OSBPL5: variants seen among roughly 807,000 people sequenced by gnomAD.
OSBPL5 encodes oxysterol binding protein like 5.
Under a neutral mutation model 111.2 loss-of-function variants are expected in OSBPL5, and 71 were observed. That is an observed-to-expected ratio of 0.64 (90% CI 0.53 to 0.78). OSBPL5 has a LOEUF of 0.78. Ranked by LOEUF, OSBPL5 falls within the 30% of genes least tolerant of loss-of-function variation. OSBPL5 has a pLI of 0.00. For synonymous variants in OSBPL5, 549 were observed against 513.9 expected (o/e 1.07, Z -0.93); for missense variants, 1,210 against 1,189.3 (o/e 1.02, Z -0.26).
In OSBPL5 at chr11:3,146,778, C is replaced by A. The variant is rs1047320827; in HGVS notation, c.-21-17609G>T. 3 of 152,190 alleles carry A rather than the reference C, an allele frequency of 2.0e-5. No individual in the cohort carries two copies. Among genetic ancestry groups the A allele is most frequent in the African/African-American group, 7.2e-5 (3 of 41,408 alleles). The allele number at this position is 152,190 out of a possible 1,614,324, so 9.4% of individuals were successfully genotyped here. ...CTGAGTTGGCCTTTGTACAGCCTGT[C>A]CCGAAGCGGCCTGGCACAGGGCAGC... is the stretch of plus-strand genomic sequence containing the variant. On this transcript the variant is annotated intron_variant, in intron 1 of 21. Coordinates refer to ENST00000263650, the MANE Select transcript of OSBPL5 (RefSeq NM_020896.4). This position sits in a 1 kb window ranked among gnomAD's most constrained non-coding sequence, Gnocchi z 7.8.
intron 14 of OSBPL5, among the ~76,000 whole-genome samples, chr11:3,096,941 A>AAG (rs1857274869): frequency 8.3e-6 from 1 of 120,448 alleles, no homozygotes. Flanking sequence ...GAGAGGAAAG[A>AAG]GGGAGGAGAT....
chr11:3,120,666 C>T (rs558035604), intron 5 of OSBPL5, 42 bp from the exon 6 acceptor site: 78 of 1,598,536 alleles, frequency 4.9e-5, no homozygotes, highest in Middle Eastern at 4.3e-4. Flanking sequence ...CCTCTGGGGC[C>T]GCCATCCCTG....
In OSBPL5 at chr11:3,163,181, C is replaced by T. The variant is rs1022104521; in HGVS notation, c.-22+2035G>A. ...CTGGGTCCACAACATTTCTCAGCTG[C>T]GGTCACAGGCTCAGATTCACCTGTC... On this transcript the variant is annotated intron_variant, in intron 1 of 21. Coordinates refer to ENST00000263650, the MANE Select transcript of OSBPL5 (RefSeq NM_020896.4). Among the ~76,000 whole-genome samples the T allele has an allele frequency of 3.3e-5, 5 of 152,318 alleles. No homozygotes were observed. In the East Asian group the frequency reaches 5.8e-4, roughly 18 times the overall value.
In OSBPL5 at chr11:3,126,824, G is replaced by A. The variant is rs1490316764; in HGVS notation, c.137-269C>T. Among the ~76,000 whole-genome samples, 2 of 152,216 alleles carry A rather than the reference G, an allele frequency of 1.3e-5. No homozygotes were observed. The highest frequency in any genetic ancestry group is 3.9e-4 in the East Asian group (2 of 5,192). ...CTGGGACAGGAGCTGGTAGGAACCG[G>A]CATCCTGGGCCTGCTGTAGTGTGCA... is the stretch of plus-strand genomic sequence containing the variant. On this transcript the variant is annotated intron_variant, in intron 2 of 21. Coordinates refer to ENST00000263650, the MANE Select transcript of OSBPL5 (RefSeq NM_020896.4). The surrounding 1 kb of genome is among the most constrained non-coding windows in gnomAD (Gnocchi z 6.5).
intron 14 of OSBPL5, among the ~76,000 whole-genome samples, chr11:3,097,516 C>A (rs1346389233): frequency 6.6e-6 from 1 of 152,110 alleles, no homozygotes; most frequent in Non-Finnish European, 1.5e-5. Flanking sequence ...AAAACAATTT[C>A]AGCCAACAAA....
In OSBPL5 at chr11:3,141,061, G is replaced by A. The variant is rs144510312; in HGVS notation, c.-21-11892C>T. 3.3e-4 allele frequency among the ~76,000 whole-genome samples: 50 copies of A among 152,206 alleles called. No individual in the cohort carries two copies. In the East Asian group the frequency reaches 9.1e-3, roughly 28 times the overall value. On this transcript the variant is annotated intron_variant, in intron 1 of 21. Transcript: ENST00000263650. This position sits in a 1 kb window ranked among gnomAD's most constrained non-coding sequence, Gnocchi z 6.5. ...TGGGTGGGGGTCAGCCCAATGCCTTGTACGAAGAGGCCCCCAAAACAGGAA... is the reference window on the plus strand; with the variant it reads ...TGGGTGGGGGTCAGCCCAATGCCTTATACGAAGAGGCCCCCAAAACAGGAA...
intron 1 of OSBPL5, among the ~76,000 whole-genome samples, chr11:3,144,568 T>A (rs1846271537): frequency 6.6e-6 from 1 of 152,168 alleles, no homozygotes; most frequent in Non-Finnish European, 1.5e-5. Flanking sequence ...CCACCGACAC[T>A]GAGACAGCAG....
At chr11:3,129,284 A>T (rs1183068516) in intron 1 of OSBPL5, 115 bp from the exon 2 acceptor site, 22 of 1,008,460 alleles carry the variant, frequency 2.2e-5, no homozygotes, top group Non-Finnish European at 2.8e-5. Flanking sequence ...CTTCTGAGGC[A>T]GGGTGAGGAG....
At chr11:3,137,237 G>A (rs1305218197) in intron 1 of OSBPL5, among the ~76,000 whole-genome samples, 1 of 152,238 alleles carries the variant, frequency 6.6e-6, no homozygotes, top group Non-Finnish European at 1.5e-5. Flanking sequence ...AGACCAGGCT[G>A]CTGTGTCTGG....
rs2134452887 is a variant in OSBPL5 at position 3,119,647 on chromosome 11, T to C, written c.607-16A>G. On this transcript the variant is annotated splice_polypyrimidine_tract_variant and intron_variant, in intron 6 of 21. Coordinates refer to ENST00000263650, the MANE Select transcript of OSBPL5 (RefSeq NM_020896.4). Reference sequence around the variant, plus strand: ...CTTTGGGGCCCTGGAGAGAGAGAGATCTGGGTGTCACCCGAGGCAACACCC... The same window carrying C: ...CTTTGGGGCCCTGGAGAGAGAGAGACCTGGGTGTCACCCGAGGCAACACCC... 1 of 1,577,044 alleles carries C rather than the reference T, an allele frequency of 6.3e-7. No individual in the cohort carries two copies. Among genetic ancestry groups the C allele is most frequent in the East Asian group, 2.4e-5 (1 of 40,866 alleles).
intron 20 of OSBPL5, among the ~76,000 whole-genome samples, chr11:3,090,154 C>A (rs1042424928): frequency 6.6e-6 from 1 of 152,168 alleles, no homozygotes; most frequent in Non-Finnish European, 1.5e-5. Flanking sequence ...CCAGGCTGGA[C>A]CAGCCACTAA....
rs761466785 is a variant in OSBPL5, at chr11:3,110,407, G to A, written c.692-2462C>T. 3.3e-5 allele frequency among the ~76,000 whole-genome samples: 5 copies of A among 152,328 alleles called. No homozygotes were observed. The highest frequency in any genetic ancestry group is 2.1e-4 in the South Asian group (1 of 4,832). On this transcript the variant is annotated intron_variant, in intron 7 of 21. Transcript: ENST00000263650. The surrounding 1 kb of genome is among the most constrained non-coding windows in gnomAD (Gnocchi z 5.3). ...TCATCGCAGTCACAGCTGCCTGAGCGGCCACTCAGGGAACAGCAACAGCGT... is the reference window on the plus strand; with the variant it reads ...TCATCGCAGTCACAGCTGCCTGAGCAGCCACTCAGGGAACAGCAACAGCGT...
chr11:3,159,860 C>G (rs1369405490), intron 1 of OSBPL5, among the ~76,000 whole-genome samples: 1 of 152,172 alleles, frequency 6.6e-6, no homozygotes, highest in Non-Finnish European at 1.5e-5. Context: ...CATCTAGGGC[C>G]AGCCATGAGC....
chr11:3,139,833 C>T lies in OSBPL5; in HGVS notation c.-21-10664G>A, dbSNP rs570893817. Among the ~76,000 whole-genome samples, 13 of 152,342 alleles carry T rather than the reference C, an allele frequency of 8.5e-5. No individual in the cohort carries two copies. The South Asian group carries it at 1.0e-3, about 12-fold the overall frequency. On this transcript the variant is annotated intron_variant, in intron 1 of 21. Coordinates refer to ENST00000263650, the MANE Select transcript of OSBPL5 (RefSeq NM_020896.4). ...CTGGAGTCCCCGAGGCCCAGCCACGCGCCCTGAAGGAGCACAAGCTCCTAG... is the reference window on the plus strand; with the variant it reads ...CTGGAGTCCCCGAGGCCCAGCCACGTGCCCTGAAGGAGCACAAGCTCCTAG...
rs1219132885 is a variant in OSBPL5 at position 3,113,526 on chromosome 11, G to C, written c.692-5581C>G. Among the ~76,000 whole-genome samples, 1 of 152,026 alleles carries C rather than the reference G, an allele frequency of 6.6e-6. No homozygotes were observed. The highest frequency in any genetic ancestry group is 1.5e-5 in the Non-Finnish European group (1 of 68,008). On this transcript the variant is annotated intron_variant, in intron 7 of 21. Transcript: ENST00000263650. This position sits in a 1 kb window ranked among gnomAD's most constrained non-coding sequence, Gnocchi z 4.8. The stretch of plus-strand genomic sequence containing the variant: ...AAAAATTAGCCAGGTGTGTTGGCAG[G>C]CACCTGTAATCCCAGCTACTCGTGA...
rs1857691959 is a variant in OSBPL5 at position 3,106,315 on chromosome 11, T to C, written c.1059+948A>G. Among the ~76,000 whole-genome samples, 1 of 152,084 alleles carries C rather than the reference T, an allele frequency of 6.6e-6. No homozygotes were observed. On this transcript the variant is annotated intron_variant, in intron 9 of 21. Transcript: ENST00000263650. The surrounding 1 kb of genome is among the most constrained non-coding windows in gnomAD (Gnocchi z 8.4). ...AACCGGGACTGCCCCTTGCCCTCAGTGACAGCCACGGCCTTGCTCTTGTCT... is the reference window on the plus strand; with the variant it reads ...AACCGGGACTGCCCCTTGCCCTCAGCGACAGCCACGGCCTTGCTCTTGTCT...
intron 19 of OSBPL5, 110 bp from the exon 20 acceptor site, chr11:3,090,806 C>T: frequency 7.2e-7 from 1 of 1,384,722 alleles, no homozygotes; most frequent in Non-Finnish European, 9.6e-7. Flanking sequence ...TGGCAGCCAG[C>T]AGGGAGGGCA....
chr11:3,151,894 G>A (rs1443012905), intron 1 of OSBPL5, among the ~76,000 whole-genome samples: 3 of 152,252 alleles, frequency 2.0e-5, no homozygotes, highest in African/African-American at 7.2e-5. Context: ...TGCTCCTGGA[G>A]AGGGGCCCGT....
intron 7 of OSBPL5, among the ~76,000 whole-genome samples, chr11:3,115,974 C>A (rs1201664083): frequency 1.3e-5 from 2 of 151,168 alleles, no homozygotes; most frequent in Admixed American, 6.6e-5. Flanking sequence ...GTGTTTTAAA[C>A]CTTTAAAATT....
Sources: allele counts gnomAD v4.1 joint callset (sites outside exome capture counted in the v4.1 genomes callset), GRCh38; gene constraint gnomAD v4.1.1; non-coding constraint Gnocchi (gnomAD v3.1); transcripts MANE v1.5; gene names NCBI Gene and HGNC (gene_info 2026-07-23, HGNC 2026-07-21).